TEAD4: variants seen among roughly 807,000 people sequenced by gnomAD.
TEAD4 encodes the protein transcriptional enhancer factor TEF-3.
A neutral mutation model predicts 52.4 loss-of-function variants in TEAD4; 36 were observed. The ratio of observed to expected loss-of-function variants is 0.69; its 90% confidence interval spans 0.53 to 0.91. The LOEUF (loss-of-function observed/expected upper bound fraction) is 0.91. TEAD4 is among the 40% of genes least tolerant of loss of function. The pLI is 0.00. For missense variants in TEAD4, 508 were observed against 583.9 expected (o/e 0.87, Z 1.34); for synonymous variants, 220 against 231.0 (o/e 0.95, Z 0.43).
Position 2,994,956 on chromosome 12 carries a change from C to T in TEAD4, c.190C>T (p.Arg64Cys), listed in dbSNP as rs769725571. The T allele has an allele frequency of 2.5e-6, 4 of 1,614,088 alleles. No homozygotes were observed. Among genetic ancestry groups the T allele is most frequent in the Non-Finnish European group, 3.4e-6 (4 of 1,180,014 alleles). Residue 64 changes from arginine (R) to cysteine (C), a missense_variant, in exon 3 of 13, where the codon CGC becomes TGC. Coordinates refer to ENST00000359864, the MANE Select transcript of TEAD4 (RefSeq NM_003213.4). This position sits in a 1 kb window ranked among gnomAD's most constrained non-coding sequence, Gnocchi z 4.7. ...CGCCATCTACCCGCCCTGTGGCAGG[C>T]GCAAAATCATCCTGTCGGACGAGGG...
chr12:3,000,638 G>C (rs148201638), intron 3 of TEAD4, among the ~76,000 whole-genome samples: 1 of 152,256 alleles, frequency 6.6e-6, no homozygotes, highest in Non-Finnish European at 1.5e-5. Flanking sequence ...TTTTGGAGGG[G>C]ACTAATATTC....
intron 8 of TEAD4, 110 bp downstream of exon 8, chr12:3,019,280 G>C: frequency 8.1e-7 from 1 of 1,239,296 alleles, no homozygotes; most frequent in Non-Finnish European, 1.2e-6. Context: ...ATGCTGCCCC[G>C]TCATGCACAC....
At chr12:3,018,689 C>G in intron 7 of TEAD4, 101 bp downstream of exon 7, 1 of 1,497,578 alleles carries the variant, frequency 6.7e-7, no homozygotes, top group Non-Finnish European at 9.3e-7. Flanking sequence ...GTGCTGGGGC[C>G]GCTGCTGGGG....
chr12:2,994,701 C>T lies in TEAD4; in HGVS notation c.-29-37C>T, dbSNP rs2098245780. 8 of 1,519,906 alleles carry T rather than the reference C, an allele frequency of 5.3e-6. No individual in the cohort carries two copies. Among genetic ancestry groups the T allele is most frequent in the Non-Finnish European group, 7.0e-6 (8 of 1,137,126 alleles). The allele number at this position is 1,519,906 out of a possible 1,614,324, so 94.2% of individuals were successfully genotyped here. ...TCATCCCGTGGCCCACGCAGTTCTT[C>T]CACTGCTCACCGGGGCTGTGGTTCC... On this transcript the variant is annotated intron_variant, in intron 2 of 12. Transcript: ENST00000359864. This position sits in a 1 kb window ranked among gnomAD's most constrained non-coding sequence, Gnocchi z 4.7.
intron 2 of TEAD4, among the ~76,000 whole-genome samples, chr12:2,973,216 C>T (rs1316618262): frequency 6.6e-6 from 1 of 152,156 alleles, no homozygotes; most frequent in African/African-American, 2.4e-5. Flanking sequence ...AGACCACAGG[C>T]ACACGCCACC....
chr12:2,984,482 T>A (rs1294107350), intron 2 of TEAD4, among the ~76,000 whole-genome samples: 1 of 151,976 alleles, frequency 6.6e-6, no homozygotes, highest in African/African-American at 2.4e-5. Context: ...ATTAGTTAGA[T>A]GTGGGAGATA....
At chr12:3,009,719 G>C (rs1057392702) in intron 3 of TEAD4, among the ~76,000 whole-genome samples, 1 of 152,230 alleles carries the variant, frequency 6.6e-6, no homozygotes, top group Admixed American at 6.5e-5. Flanking sequence ...GTGGACTCAG[G>C]GTTTCAGGTG....
At chr12:3,019,767 G>A (rs926573589) in intron 8 of TEAD4, among the ~76,000 whole-genome samples, 5 of 152,190 alleles carry the variant, frequency 3.3e-5, no homozygotes, top group Admixed American at 6.5e-5. Context: ...CTGCCTGCCC[G>A]GCCCCTTGGC....
intron 3 of TEAD4, among the ~76,000 whole-genome samples, chr12:3,008,363 G>A (rs1295845992): frequency 6.6e-6 from 1 of 152,176 alleles, no homozygotes; most frequent in Non-Finnish European, 1.5e-5. Flanking sequence ...TTTCAGGACA[G>A]CAAGAAGTTT....
At chr12:3,017,123 T>C (rs1273222758) in intron 5 of TEAD4, 1 of 593,092 alleles carries the variant, frequency 1.7e-6, no homozygotes, top group Middle Eastern at 2.6e-4. Context: ...GGTGGCCCCG[T>C]AATTAATAAA....
chr12:3,002,445 GC>G (rs1365493295), intron 3 of TEAD4, among the ~76,000 whole-genome samples: 1 of 152,230 alleles, frequency 6.6e-6, no homozygotes, highest in African/African-American at 2.4e-5. Flanking sequence ...TTCCACAGCA[GC>G]TGTATCAGTT....
At chr12:3,017,566 C>A (rs1433835881) in intron 6 of TEAD4, 40 bp downstream of exon 6, 1 of 1,575,076 alleles carries the variant, frequency 6.3e-7, no homozygotes. Context: ...GGCCAGCCCT[C>A]TCCTCCTCCC....
intron 10 of TEAD4, among the ~76,000 whole-genome samples, chr12:3,023,367 A>G (rs1302930273): frequency 2.0e-5 from 3 of 152,198 alleles, no homozygotes; most frequent in African/African-American, 7.2e-5. Context: ...TGATCATACT[A>G]AAGTTTGAGT....
At chr12:3,027,723 C>T (rs891066068) in intron 10 of TEAD4, among the ~76,000 whole-genome samples, 30 of 152,186 alleles carry the variant, frequency 2.0e-4, no homozygotes, top group Non-Finnish European at 4.0e-4. Flanking sequence ...CAAAATTAGC[C>T]AGGCATGGTG....
At chr12:2,983,944 G>A (rs2098236051) in intron 2 of TEAD4, among the ~76,000 whole-genome samples, 1 of 152,238 alleles carries the variant, frequency 6.6e-6, no homozygotes, top group African/African-American at 2.4e-5. Flanking sequence ...ATATGGAAAT[G>A]CAGGAATCTG....
intron 2 of TEAD4, among the ~76,000 whole-genome samples, chr12:2,990,431 A>G (rs1195115944): frequency 1.1e-5 from 1 of 92,378 alleles, no homozygotes; most frequent in Admixed American, 9.7e-5. Flanking sequence ...ATTATTTTTT[A>G]TATCTAGAAT....
chr12:3,018,756 C>T (rs1014057654), intron 7 of TEAD4, among the ~76,000 whole-genome samples, 168 bp downstream of exon 7: 2 of 152,060 alleles, frequency 1.3e-5, no homozygotes, highest in African/African-American at 4.8e-5. Flanking sequence ...TGTCAGCCAT[C>T]ACTGGGCTCA....
At chr12:3,039,999 T>C (rs1282465871) in intron 11 of TEAD4, 108 bp from the exon 12 acceptor site, 1 of 1,486,530 alleles carries the variant, frequency 6.7e-7, no homozygotes, top group Non-Finnish European at 9.1e-7. Flanking sequence ...GGGTGACTCT[T>C]TTCTTAAGGG....
chr12:3,039,500 A>G (rs1342187034), intron 11 of TEAD4, among the ~76,000 whole-genome samples: 1 of 152,042 alleles, frequency 6.6e-6, no homozygotes, highest in African/African-American at 2.4e-5. Context: ...GGAAATTTGC[A>G]TGATCACCAC....
Sources: gnomAD v4.1 joint callset for allele counts (sites outside exome capture counted in the v4.1 genomes callset) on GRCh38, gnomAD v4.1.1 for gene constraint, Gnocchi (gnomAD v3.1) non-coding constraint, MANE v1.5 for transcripts, NCBI Gene and HGNC (gene_info 2026-07-23, HGNC 2026-07-21) for gene names.